ROCK2: variants seen among roughly 807,000 people sequenced by gnomAD.
ROCK2 encodes Rho associated coiled-coil containing protein kinase 2.
Under a neutral mutation model 195.1 loss-of-function variants are expected in ROCK2, and 61 were observed. The observed-to-expected ratio is 0.31, with a 90% CI of 0.25 to 0.39. ROCK2 has a LOEUF of 0.39. Among genes scored for constraint, ROCK2 ranks in the 10% least tolerant of loss-of-function variants. The pLI, the probability that ROCK2 is intolerant of heterozygous loss-of-function variation, is 1.00. For synonymous variants in ROCK2, 504 were observed against 545.5 expected, an observed-to-expected ratio of 0.92 and a Z score of 1.06; for missense variants, 1,109 against 1,637.4, an observed-to-expected ratio of 0.68 and a Z score of 5.57.
chr2:11,249,924 TAAA>T, intron 3 of ROCK2, 126 bp from the exon 4 acceptor site: 1 of 645,510 alleles, frequency 1.5e-6, no homozygotes. Context: ...TAATAAAAAG[TAAA>T]AGCAAAACAT....
chr2:11,341,445 C>T (rs544402196), intron 1 of ROCK2, among the ~76,000 whole-genome samples: 1 of 152,314 alleles, frequency 6.6e-6, no homozygotes, highest in South Asian at 2.1e-4. Context: ...ATTTAATGAG[C>T]ACTGTGATGT....
intron 1 of ROCK2, among the ~76,000 whole-genome samples, chr2:11,333,439 A>G (rs1023799319): frequency 6.6e-6 from 1 of 152,240 alleles, no homozygotes; most frequent in Non-Finnish European, 1.5e-5. Flanking sequence ...TATAGAAGAA[A>G]AACTATCACA....
intron 1 of ROCK2, among the ~76,000 whole-genome samples, chr2:11,295,992 A>AG (rs1437514195): frequency 3.5e-4 from 10 of 28,392 alleles, no homozygotes; most frequent in African/African-American, 9.2e-4. Context: ...GAGAGAGAGG[A>AG]GAGAGAGAGA....
At chr2:11,294,266 A>C (rs1463173605) in intron 1 of ROCK2, among the ~76,000 whole-genome samples, 1 of 152,234 alleles carries the variant, frequency 6.6e-6, no homozygotes, top group East Asian at 1.9e-4. Flanking sequence ...TTTTAGAAGA[A>C]TTAAATGTAA....
At chr2:11,264,553 A>G (rs1666348676) in intron 3 of ROCK2, among the ~76,000 whole-genome samples, 1 of 152,154 alleles carries the variant, frequency 6.6e-6, no homozygotes, top group African/African-American at 2.4e-5. Context: ...CATTTTAGAG[A>G]TCTATGACAC....
At chr2:11,319,954 A>C (rs970357175) in intron 1 of ROCK2, among the ~76,000 whole-genome samples, 3 of 152,216 alleles carry the variant, frequency 2.0e-5, no homozygotes, top group Non-Finnish European at 4.4e-5. Context: ...AAAACTATTC[A>C]GGGTGGATCC....
chr2:11,247,572 T>G (rs1466191896), intron 4 of ROCK2, among the ~76,000 whole-genome samples: 2 of 152,224 alleles, frequency 1.3e-5, no homozygotes, highest in Non-Finnish European at 2.9e-5. Flanking sequence ...CTATCTCAAT[T>G]AACACTTTAT....
intron 4 of ROCK2, among the ~76,000 whole-genome samples, chr2:11,241,116 G>C (rs529425148): frequency 3.9e-5 from 6 of 152,168 alleles, no homozygotes; most frequent in Admixed American, 3.9e-4. Flanking sequence ...TCCCTACAAG[G>C]ATATATGTAA....
Position 11,192,327 on chromosome 2 carries a change from T to C in ROCK2, c.3984A>G (p.Leu1328=), listed in dbSNP as rs746721665. Residue 1328 remains leucine, a synonymous_variant, in exon 32 of 33, where the codon TTA becomes TTG. Coordinates refer to ENST00000315872, the MANE Select transcript of ROCK2 (RefSeq NM_004850.5). The surrounding 1 kb of genome is among the most constrained non-coding windows in gnomAD (Gnocchi z 5.0). ...YYDISTAKNL[L]LLANSTEEQQ... is the part of the protein sequence containing the mutation. Reference sequence around the variant, plus strand: ...GCTCTTCTGTAGAATTTGCTAGTAATAACAGATTCTTTGCCGTTGAAATAT... The same window carrying C: ...GCTCTTCTGTAGAATTTGCTAGTAACAACAGATTCTTTGCCGTTGAAATAT... The C allele has an allele frequency of 1.1e-5, 17 of 1,613,530 alleles. No homozygotes were observed. The South Asian group carries it at 1.8e-4, about 17-fold the overall frequency.
At chr2:11,336,463 C>A (rs1212649867) in intron 1 of ROCK2, among the ~76,000 whole-genome samples, 1 of 152,102 alleles carries the variant, frequency 6.6e-6, no homozygotes, top group Non-Finnish European at 1.5e-5. Context: ...GTTGCCCAGG[C>A]TGGTCTCAAA....
At chr2:11,282,607 C>CAAAAAAAAAAAAAAAAAAAAA (rs70953381) in intron 3 of ROCK2, among the ~76,000 whole-genome samples, 105 of 123,290 alleles carry the variant, frequency 8.5e-4, no homozygotes, top group African/African-American at 1.2e-3. Context: ...TATCTACATG[C>CAAAAAAAAAAAAAAAAAAAAA]AAAAAAAAAA....
chr2:11,232,352 CTCCTGGCTT>C (rs1665050279), intron 5 of ROCK2, among the ~76,000 whole-genome samples: 1 of 152,128 alleles, frequency 6.6e-6, no homozygotes, highest in African/African-American at 2.4e-5. Flanking sequence ...TGGTCTCGAA[CTCCTGGCTT>C]CAAGCAGTCT....
intron 3 of ROCK2, among the ~76,000 whole-genome samples, chr2:11,252,645 T>C (rs1405546185): frequency 1.3e-5 from 2 of 152,058 alleles, no homozygotes; most frequent in Non-Finnish European, 2.9e-5. Context: ...GTTCATGTCC[T>C]CTGCAGGGAC....
chr2:11,271,204 A>G (rs1436053347), intron 3 of ROCK2, among the ~76,000 whole-genome samples: 1 of 152,208 alleles, frequency 6.6e-6, no homozygotes, highest in Non-Finnish European at 1.5e-5. Flanking sequence ...ATGCTGTGGC[A>G]TATTTCAAAA....
intron 1 of ROCK2, among the ~76,000 whole-genome samples, chr2:11,288,447 ACT>A (rs1240352655): frequency 1.3e-5 from 2 of 152,192 alleles, no homozygotes; most frequent in African/African-American, 4.8e-5. Flanking sequence ...ACGCCAAGTA[ACT>A]CTGTGGAAGG....
chr2:11,267,667 C>T lies in ROCK2; in HGVS notation c.325-17869G>A, dbSNP rs1418195574. Reference sequence around the variant, plus strand: ...GACGGCATTGTTCAAGTCCCCTGAGCGCCATACCCCTTGAGTATATCCTAT... The same window carrying T: ...GACGGCATTGTTCAAGTCCCCTGAGTGCCATACCCCTTGAGTATATCCTAT... On this transcript the variant is annotated intron_variant, in intron 3 of 32. Coordinates refer to ENST00000315872, the MANE Select transcript of ROCK2 (RefSeq NM_004850.5). Among the ~76,000 whole-genome samples the T allele has an allele frequency of 6.6e-5, 10 of 151,402 alleles. 1 individual carries two copies. The South Asian group carries it at 1.7e-3, about 25-fold the overall frequency.
intron 3 of ROCK2, among the ~76,000 whole-genome samples, chr2:11,265,182 T>C (rs190406525): frequency 4.0e-5 from 6 of 151,412 alleles, no homozygotes; most frequent in Admixed American, 3.9e-4. Flanking sequence ...AAAGAGTGTA[T>C]GCTACCATTT....
intron 1 of ROCK2, among the ~76,000 whole-genome samples, chr2:11,331,781 C>T (rs1456060679): frequency 6.6e-6 from 1 of 152,134 alleles, no homozygotes; most frequent in Non-Finnish European, 1.5e-5. Flanking sequence ...AAAAAATTAG[C>T]CAGGCCTGGT....
At chr2:11,289,488 T>C (rs1400576768) in intron 1 of ROCK2, among the ~76,000 whole-genome samples, 1 of 152,218 alleles carries the variant, frequency 6.6e-6, no homozygotes, top group Non-Finnish European at 1.5e-5. Context: ...TATATTCATA[T>C]GGAAAGCATT....
Sources: allele counts gnomAD v4.1 joint callset (sites outside exome capture counted in the v4.1 genomes callset), GRCh38; gene constraint gnomAD v4.1.1; non-coding constraint Gnocchi (gnomAD v3.1); transcripts MANE v1.5; gene names NCBI Gene and HGNC (gene_info 2026-07-23, HGNC 2026-07-21).